The following SCMH1 variants were observed in gnomAD, a reference collection of about 807,000 sequenced individuals.
The protein encoded by SCMH1 is Scm polycomb group protein homolog 1.
SCMH1 carries 37 observed loss-of-function variants against 70.8 expected under a neutral mutation model. The observed-to-expected ratio is 0.52, with a 90% CI of 0.40 to 0.69. The LOEUF is 0.69. Ranked by LOEUF, SCMH1 falls within the 30% of genes least tolerant of loss-of-function variation. The pLI is 0.00. For synonymous variants in SCMH1, 292 were observed against 307.4 expected (o/e 0.95, Z 0.52); for missense variants, 607 against 827.3 (o/e 0.73, Z 3.27).
At chr1:41,211,613 C>G (rs889913728) in intron 1 of SCMH1, among the ~76,000 whole-genome samples, 4 of 152,178 alleles carry the variant, frequency 2.6e-5, no homozygotes, top group Non-Finnish European at 5.9e-5. Context: ...TGTGGTGATT[C>G]CTCAGGGATC....
intron 10 of SCMH1, among the ~76,000 whole-genome samples, chr1:41,061,987 CTT>C (rs1346257288): frequency 2.0e-5 from 3 of 152,076 alleles, no homozygotes; most frequent in Non-Finnish European, 4.4e-5. Flanking sequence ...ACTTTAGCCT[CTT>C]GAGTAGCTAG....
At chr1:41,189,644 G>A (rs557624752) in intron 1 of SCMH1, among the ~76,000 whole-genome samples, 5 of 152,326 alleles carry the variant, frequency 3.3e-5, no homozygotes, top group Admixed American at 6.5e-5. Context: ...ATGTAGCAGA[G>A]GTGAACAAAG....
intron 13 of SCMH1, among the ~76,000 whole-genome samples, chr1:41,031,680 A>G (rs1644545586): frequency 6.6e-6 from 1 of 152,302 alleles, no homozygotes; most frequent in Non-Finnish European, 1.5e-5. Context: ...CTGTGATGCT[A>G]AGAGAGAAAC....
intron 12 of SCMH1, chr1:41,043,048 G>C (rs1473767476): frequency 6.6e-6 from 1 of 152,114 alleles, no homozygotes; most frequent in East Asian, 1.9e-4. Context: ...ACAACTAGGG[G>C]AAATTCTAAT....
chr1:41,140,395 T>C (rs1643942135), intron 6 of SCMH1, among the ~76,000 whole-genome samples: 1 of 151,968 alleles, frequency 6.6e-6, no homozygotes, highest in Admixed American at 6.6e-5. Context: ...CGGGTTCAAC[T>C]GATTCTCCTG....
At chr1:41,055,196 T>C (rs139805065) in intron 10 of SCMH1, among the ~76,000 whole-genome samples, 3 of 152,238 alleles carry the variant, frequency 2.0e-5, no homozygotes, top group Non-Finnish European at 2.9e-5. Context: ...CCCAACCTTA[T>C]ATAGGCAGGA....
At chr1:41,209,621 G>A (rs1470774749) in intron 1 of SCMH1, among the ~76,000 whole-genome samples, 1 of 152,218 alleles carries the variant, frequency 6.6e-6, no homozygotes, top group Admixed American at 6.5e-5. Flanking sequence ...AAAACCACAT[G>A]ATTATCTCAA....
chr1:41,123,004 C>G (rs1557544475), intron 6 of SCMH1, among the ~76,000 whole-genome samples: 1 of 152,110 alleles, frequency 6.6e-6, no homozygotes, highest in Non-Finnish European at 1.5e-5. Context: ...AGGATCACTT[C>G]AGCCCAAAAT....
At chr1:41,029,491 C>T (rs554137354) in intron 13 of SCMH1, among the ~76,000 whole-genome samples, 10 of 152,264 alleles carry the variant, frequency 6.6e-5, no homozygotes, top group African/African-American at 9.6e-5. Flanking sequence ...TGAACCACCG[C>T]GCCCAGCCAC....
At position 41,181,363 on chromosome 1, in the gene SCMH1, T is replaced by G. The variant is rs534195650; in HGVS notation, c.13+4758A>C. Among the ~76,000 whole-genome samples, 358 of 152,184 alleles carry G rather than the reference T, an allele frequency of 2.4e-3. 4 individuals are homozygous for G. The highest frequency in any genetic ancestry group is 8.1e-3 in the African/African-American group (338 of 41,524). ...ATTGACAAATGGGATCTAATTAAAC[T>G]AAAGAGCTTCTGCACAGCAAAAGAA... On this transcript the variant is annotated intron_variant, in intron 2 of 14. Transcript: ENST00000337495.
At chr1:41,111,370 C>T (rs12409873) in intron 8 of SCMH1, among the ~76,000 whole-genome samples, 2,860 of 152,270 alleles carry the variant, frequency 0.019, 87 homozygotes, top group East Asian at 0.11. Flanking sequence ...GACAGAGTCT[C>T]GCTCTGTCGC....
At chr1:41,088,580 A>C (rs532017170) in intron 8 of SCMH1, among the ~76,000 whole-genome samples, 1 of 152,232 alleles carries the variant, frequency 6.6e-6, no homozygotes, top group East Asian at 1.9e-4. Flanking sequence ...CGATCCTCCC[A>C]GCTTAGTTTC....
At chr1:41,088,412 GATAAGGACAA>G (rs1365608959) in intron 8 of SCMH1, among the ~76,000 whole-genome samples, 1 of 152,084 alleles carries the variant, frequency 6.6e-6, no homozygotes, top group African/African-American at 2.4e-5. Flanking sequence ...AATCCATAAA[GATAAGGACAA>G]AAACTGAACC....
At chr1:41,147,054 C>A (rs955486703) in intron 5 of SCMH1, among the ~76,000 whole-genome samples, 3 of 152,106 alleles carry the variant, frequency 2.0e-5, no homozygotes, top group Admixed American at 6.5e-5. Context: ...TACATCTTTG[C>A]CACTATTTAA....
chr1:41,111,550 AG>A (rs1337898392), intron 8 of SCMH1, among the ~76,000 whole-genome samples: 1 of 152,212 alleles, frequency 6.6e-6, no homozygotes, highest in Non-Finnish European at 1.5e-5. Context: ...CATGTTGGCC[AG>A]GGTGGTCTCA....
Position 41,095,924 on chromosome 1 carries a change from T to C in SCMH1, c.745+17359A>G, listed in dbSNP as rs540323630. Reference sequence around the variant, plus strand: ...ACATAATAACTTAAAATGATGGTTATAAAGATTGTATAACAACACAGAACA... The same window carrying C: ...ACATAATAACTTAAAATGATGGTTACAAAGATTGTATAACAACACAGAACA... On this transcript the variant is annotated intron_variant, in intron 8 of 14. Transcript: ENST00000337495. Among the ~76,000 whole-genome samples, 12 of 152,268 alleles carry C rather than the reference T, an allele frequency of 7.9e-5. No individual in the cohort carries two copies. The South Asian group carries it at 2.1e-3, about 26-fold the overall frequency.
intron 2 of SCMH1, among the ~76,000 whole-genome samples, chr1:41,177,750 A>G (rs1456305418): frequency 6.6e-6 from 1 of 152,232 alleles, no homozygotes; most frequent in Non-Finnish European, 1.5e-5. Context: ...GAAAAGACCA[A>G]ATCTACGTCT....
chr1:41,049,322 G>GTGTC (rs1647202017), intron 10 of SCMH1, among the ~76,000 whole-genome samples: 1 of 151,748 alleles, frequency 6.6e-6, no homozygotes, highest in East Asian at 1.9e-4. Flanking sequence ...GTGTGTGTGT[G>GTGTC]TGTGTGTGTA....
chr1:41,068,942 C>G (rs886584587), intron 10 of SCMH1, among the ~76,000 whole-genome samples: 1 of 152,082 alleles, frequency 6.6e-6, no homozygotes, highest in Non-Finnish European at 1.5e-5. Flanking sequence ...ACTAAGAAGG[C>G]TCCAGGAGAG....
Sources: allele counts gnomAD v4.1 joint callset (sites outside exome capture counted in the v4.1 genomes callset), GRCh38; gene constraint gnomAD v4.1.1; transcripts MANE v1.5; gene names NCBI Gene and HGNC (gene_info 2026-07-23, HGNC 2026-07-21).